The following GRAMD1B variants were observed in gnomAD, a reference collection of about 807,000 sequenced individuals.
GRAMD1B encodes the protein GRAM domain containing 1B.
In GRAMD1B, 37 loss-of-function variants were observed where a neutral mutation model predicts 99.7. The ratio of observed to expected loss-of-function variants is 0.37; its 90% CI spans 0.29 to 0.49. The LOEUF (loss-of-function observed/expected upper bound fraction) is 0.49, where lower values mean the gene tolerates loss of function less well. Among genes scored for constraint, GRAMD1B ranks in the 20% least tolerant of loss-of-function variants. GRAMD1B has a pLI of 0.98. For synonymous variants in GRAMD1B, 427 were observed against 387.6 expected (o/e 1.10, Z -1.19); for missense variants, 888 against 1,009.2 (o/e 0.88, Z 1.63).
upstream of GRAMD1B, among the ~76,000 whole-genome samples, chr11:123,427,353 A>T (rs1224743553): frequency 1.3e-5 from 2 of 152,190 alleles, no homozygotes; most frequent in Non-Finnish European, 2.9e-5. Context: ...TAAACTACTG[A>T]ATCTCTCTGT....
intron 2 of GRAMD1B, among the ~76,000 whole-genome samples, chr11:123,550,024 C>G (rs2135839253): frequency 6.6e-6 from 1 of 152,236 alleles, no homozygotes; most frequent in South Asian, 2.1e-4. Context: ...GCAGTGTGGG[C>G]CAACTGCAGA....
chr11:123,534,225 A>T (rs2673329), intron 2 of GRAMD1B, among the ~76,000 whole-genome samples: 1 of 152,044 alleles, frequency 6.6e-6, no homozygotes, highest in Non-Finnish European at 1.5e-5. Flanking sequence ...AGAAAAGAAA[A>T]TGTTAAGAAA....
chr11:123,453,513 C>T (rs7949223), intron 1 of GRAMD1B, among the ~76,000 whole-genome samples: 38,492 of 151,796 alleles, frequency 0.25, 5,137 homozygotes, highest in East Asian at 0.36. Flanking sequence ...GACGGGGTTT[C>T]GCCATGTTGG....
intron 2 of GRAMD1B, among the ~76,000 whole-genome samples, chr11:123,501,492 A>G (rs1277593267): frequency 6.6e-6 from 1 of 152,138 alleles, no homozygotes; most frequent in East Asian, 1.9e-4. Flanking sequence ...TCTTACTTGC[A>G]ATACTCTTAC....
chr11:123,598,624 TC>T, intron 7 of GRAMD1B: 3 of 1,400,350 alleles, frequency 2.1e-6, no homozygotes, highest in Non-Finnish European at 3.0e-6. Context: ...TCTTCTGGGA[TC>T]CTGCCACATT....
intron 1 of GRAMD1B, among the ~76,000 whole-genome samples, chr11:123,366,686 T>C (rs1265439186): frequency 6.6e-6 from 1 of 152,232 alleles, no homozygotes; most frequent in Non-Finnish European, 1.5e-5. Flanking sequence ...ATTTTATTCC[T>C]CTGTGGGCAA....
intron 1 of GRAMD1B, among the ~76,000 whole-genome samples, chr11:123,480,270 T>C (rs1019086162): frequency 2.1e-4 from 32 of 151,984 alleles, no homozygotes; most frequent in African/African-American, 7.7e-4. Flanking sequence ...GGAGGCAGAG[T>C]AGCAGACTAA....
At chr11:123,410,506 C>T (rs553964508) in intron 1 of GRAMD1B, among the ~76,000 whole-genome samples, 210 of 152,202 alleles carry the variant, frequency 1.4e-3, no homozygotes, top group Non-Finnish European at 2.5e-3. Context: ...TCCGATACTG[C>T]CAGGGAGTCC....
At chr11:123,387,063 G>C (rs1591401399) in intron 1 of GRAMD1B, among the ~76,000 whole-genome samples, 1 of 152,156 alleles carries the variant, frequency 6.6e-6, no homozygotes, top group African/African-American at 2.4e-5. Context: ...AGTGCTTAGA[G>C]GGTCTTTTGG....
In GRAMD1B at chr11:123,577,475, G is replaced by A. The variant is rs781236429; in HGVS notation, c.561G>A (p.Lys187=). ...AGGACGGAGACACCATGGTGGAGAAGGGCTCAGATCACTCCTCGGACAAGT... is the reference window on the plus strand; with the variant it reads ...AGGACGGAGACACCATGGTGGAGAAAGGCTCAGATCACTCCTCGGACAAGT... ...QNQDGDTMVE[K]GSDHSSDKSP... is the part of the protein sequence containing the mutation. Residue 187 remains lysine, a synonymous_variant, in exon 3 of 20, where the codon AAG becomes AAA. Coordinates refer to ENST00000635736, the MANE Select transcript of GRAMD1B (RefSeq NM_001387025.1). 1 of 1,604,462 alleles carries A rather than the reference G, an allele frequency of 6.2e-7. No homozygotes were observed. Among genetic ancestry groups the A allele is most frequent in the East Asian group, 2.3e-5 (1 of 44,254 alleles).
intron 2 of GRAMD1B, among the ~76,000 whole-genome samples, chr11:123,536,710 G>C (rs1454868866): frequency 2.6e-5 from 4 of 152,070 alleles, no homozygotes; most frequent in African/African-American, 7.2e-5. Flanking sequence ...TATTTTTCTA[G>C]TAGTGCCTTT....
At chr11:123,487,306 G>A (rs1396950031) in intron 2 of GRAMD1B, among the ~76,000 whole-genome samples, 1 of 152,158 alleles carries the variant, frequency 6.6e-6, no homozygotes, top group Admixed American at 6.6e-5. Flanking sequence ...TCTACAGAGG[G>A]GGCTGTGCTT....
At chr11:123,557,478 C>G (rs702739) in intron 2 of GRAMD1B, among the ~76,000 whole-genome samples, 23,049 of 152,236 alleles carry the variant, frequency 0.15, 1,856 homozygotes, top group Admixed American at 0.21. Flanking sequence ...ATATCTGTCT[C>G]ACCACTAGAA....
At chr11:123,387,969 C>T (rs1389442055) in intron 1 of GRAMD1B, among the ~76,000 whole-genome samples, 1 of 150,298 alleles carries the variant, frequency 6.7e-6, no homozygotes, top group Non-Finnish European at 1.5e-5. Context: ...ACTAAAAATA[C>T]AAAAAAATTA....
At chr11:123,491,121 T>C (rs1170009231) in intron 2 of GRAMD1B, among the ~76,000 whole-genome samples, 1 of 151,986 alleles carries the variant, frequency 6.6e-6, no homozygotes, top group Non-Finnish European at 1.5e-5. Context: ...TCACCTGAGG[T>C]CGGGAGTTTG....
At chr11:123,362,473 G>A (rs1182332625) in intron 1 of GRAMD1B, among the ~76,000 whole-genome samples, 3 of 152,162 alleles carry the variant, frequency 2.0e-5, no homozygotes, top group Admixed American at 1.3e-4. Context: ...TAATTTGGGG[G>A]TGGCCATGGA....
intron 2 of GRAMD1B, among the ~76,000 whole-genome samples, chr11:123,535,212 A>G (rs1267806517): frequency 3.3e-5 from 5 of 151,526 alleles, no homozygotes; most frequent in African/African-American, 1.2e-4. Context: ...AGAAATTACA[A>G]TCATGATGCT....
chr11:123,600,325 G>C, intron 7 of GRAMD1B, 143 bp from the exon 8 acceptor site: 2 of 577,372 alleles, frequency 3.5e-6, no homozygotes, highest in Non-Finnish European at 6.2e-6. Context: ...CACTAAAGCG[G>C]ATGTACGTGA....
chr11:123,425,865 T>TG (rs1948628994), upstream of GRAMD1B, among the ~76,000 whole-genome samples: 2 of 152,280 alleles, frequency 1.3e-5, no homozygotes, highest in East Asian at 3.9e-4. Flanking sequence ...AGCCCCTCCC[T>TG]GGGGAAATGA....
Sources: gnomAD v4.1 joint callset for allele counts (sites outside exome capture counted in the v4.1 genomes callset) on GRCh38, gnomAD v4.1.1 for gene constraint, MANE v1.5 for transcripts, NCBI Gene and HGNC (gene_info 2026-07-23, HGNC 2026-07-21) for gene names.